AKAP6: variants seen among roughly 807,000 people sequenced by gnomAD.
AKAP6 encodes the protein A-kinase anchoring protein 6.
AKAP6 carries 58 observed loss-of-function variants against 188.5 expected under a neutral mutation model. The observed-to-expected ratio is 0.31, with a 90% CI of 0.25 to 0.38. The LOEUF (loss-of-function observed/expected upper bound fraction) is 0.38, where lower values mean the gene tolerates loss of function less well. Among genes scored for constraint, AKAP6 ranks in the 10% least tolerant of loss-of-function variants. The probability of loss-of-function intolerance (pLI) is 1.00; values close to 1 mark genes in which losing one functional copy is unlikely to be tolerated. For missense variants in AKAP6, 2,710 were observed against 2,740.0 expected (o/e 0.99, Z 0.24); for synonymous variants, 989 against 998.6 (o/e 0.99, Z 0.18).
At chr14:32,518,707 AT>A (rs1566551349) in intron 2 of AKAP6, among the ~76,000 whole-genome samples, 1 of 152,228 alleles carries the variant, frequency 6.6e-6, no homozygotes, top group Non-Finnish European at 1.5e-5. Context: ...AAAAGACCAA[AT>A]CTACGTCTGA....
intron 2 of AKAP6, among the ~76,000 whole-genome samples, chr14:32,439,582 A>G (rs1890500709): frequency 7.5e-6 from 1 of 133,282 alleles, no homozygotes; most frequent in African/African-American, 3.2e-5. Flanking sequence ...TCTTTCTCCC[A>G]CTACTGGAGC....
At chr14:32,769,496 G>A (rs2032831072) in intron 11 of AKAP6, among the ~76,000 whole-genome samples, 1 of 151,218 alleles carries the variant, frequency 6.6e-6, no homozygotes, top group South Asian at 2.1e-4. Context: ...CTCAACTGAT[G>A]TTAAACAGTT....
chr14:32,798,223 T>C (rs1273854265), intron 12 of AKAP6, among the ~76,000 whole-genome samples: 4 of 152,190 alleles, frequency 2.6e-5, no homozygotes, highest in Non-Finnish European at 4.4e-5. Flanking sequence ...AGAATGGCTA[T>C]TATTAAAAAG....
intron 2 of AKAP6, among the ~76,000 whole-genome samples, chr14:32,462,457 A>T (rs893778056): frequency 1.3e-5 from 2 of 152,110 alleles, no homozygotes; most frequent in African/African-American, 4.8e-5. Flanking sequence ...TCAACCTAGA[A>T]TTTCACACCC....
chr14:32,829,807 A>C (rs1256511890), intron 13 of AKAP6, 41 bp from the exon 14 acceptor site: 1 of 680,458 alleles, frequency 1.5e-6, no homozygotes, highest in African/African-American at 1.8e-5. Context: ...TGAAAAATAC[A>C]TTTCTGAAAC....
chr14:32,824,185 G>T lies in AKAP6; in HGVS notation c.6372G>T (p.Glu2124Asp). 1 of 1,613,870 alleles carries T rather than the reference G, an allele frequency of 6.2e-7. No homozygotes were observed. The highest frequency in any genetic ancestry group is 8.5e-7 in the Non-Finnish European group (1 of 1,179,914). ...CATCTCATGACAGTGATTGTGGGGA[G>T]GTCACCAATTACATAGAAGAGAAAA... is the stretch of plus-strand genomic sequence containing the variant. ...SLSSHDSDCG[E>D]VTNYIEEKSS... The change falls in exon 13 of 14, where the codon GAG becomes GAT. Residue 2124 changes from glutamate to aspartate, a missense_variant. By Grantham distance (45) the Glu-to-Asp change is conservative. Transcript: ENST00000280979.
chr14:32,786,296 A>ATGGT, intron 12 of AKAP6, among the ~76,000 whole-genome samples: 1 of 93,706 alleles, frequency 1.1e-5, no homozygotes, highest in African/African-American at 4.1e-5. Flanking sequence ...CTAAACCTTT[A>ATGGT]TCTTTTTTTT....
chr14:32,723,407 T>C (rs1233917659), intron 9 of AKAP6, among the ~76,000 whole-genome samples: 2 of 152,246 alleles, frequency 1.3e-5, no homozygotes, highest in East Asian at 3.9e-4. Flanking sequence ...CCTTTTAGAG[T>C]CTATTATCAT....
At chr14:32,561,484 A>G (rs1243095885) in intron 4 of AKAP6, among the ~76,000 whole-genome samples, 1 of 152,192 alleles carries the variant, frequency 6.6e-6, no homozygotes, top group Non-Finnish European at 1.5e-5. Context: ...TAACTAAGAG[A>G]AGCACTCATT....
intron 7 of AKAP6, among the ~76,000 whole-genome samples, chr14:32,671,236 C>T (rs866466202): frequency 2.8e-4 from 42 of 152,210 alleles, no homozygotes; most frequent in African/African-American, 9.1e-4. Flanking sequence ...CAAACACAAG[C>T]AAATGCCCCG....
chr14:32,661,662 G>C (rs966620191), intron 7 of AKAP6, among the ~76,000 whole-genome samples: 1 of 152,116 alleles, frequency 6.6e-6, no homozygotes, highest in South Asian at 2.1e-4. Context: ...GGACTAGCTA[G>C]AGACTGGAAA....
At chr14:32,462,967 AG>A (rs1333653668) in intron 2 of AKAP6, among the ~76,000 whole-genome samples, 1 of 110,350 alleles carries the variant, frequency 9.1e-6, no homozygotes, top group Non-Finnish European at 1.7e-5. Flanking sequence ...ACAGTCTTTA[AG>A]CCAACAAAGA....
intron 7 of AKAP6, among the ~76,000 whole-genome samples, chr14:32,603,000 T>G (rs543701132): frequency 6.6e-6 from 1 of 152,284 alleles, no homozygotes; most frequent in East Asian, 1.9e-4. Context: ...TTTTAATAAC[T>G]GCCTTTACAG....
intron 8 of AKAP6, among the ~76,000 whole-genome samples, chr14:32,694,968 G>T (rs941004348): frequency 6.6e-6 from 1 of 152,108 alleles, no homozygotes; most frequent in African/African-American, 2.4e-5. Flanking sequence ...TTCTTTTAGT[G>T]GGGTGATTTT....
intron 2 of AKAP6, among the ~76,000 whole-genome samples, chr14:32,504,472 G>T (rs1379436946): frequency 1.3e-5 from 2 of 152,058 alleles, no homozygotes; most frequent in African/African-American, 4.8e-5. Context: ...GTAGAGACAG[G>T]TTTCGCCATA....
chr14:32,747,349 T>A (rs1955501), intron 11 of AKAP6, among the ~76,000 whole-genome samples: 151,780 of 152,340 alleles, frequency 1, 75,613 homozygotes, highest in Middle Eastern at 1. Context: ...CTTAGTAATG[T>A]TGCTGTTGGC....
chr14:32,769,954 A>G (rs2032848464), intron 11 of AKAP6, among the ~76,000 whole-genome samples: 1 of 152,226 alleles, frequency 6.6e-6, no homozygotes, highest in South Asian at 2.1e-4. Context: ...CATATTTGAT[A>G]TATAATGAAG....
chr14:32,737,796 G>A (rs2031496967), intron 11 of AKAP6, among the ~76,000 whole-genome samples: 1 of 152,112 alleles, frequency 6.6e-6, no homozygotes, highest in Non-Finnish European at 1.5e-5. Context: ...TACTCTCCAG[G>A]AGAATGGAAG....
At chr14:32,491,175 G>A (rs1402406798) in intron 2 of AKAP6, among the ~76,000 whole-genome samples, 1 of 152,078 alleles carries the variant, frequency 6.6e-6, no homozygotes, top group African/African-American at 2.4e-5. Context: ...CTTCCTCCTG[G>A]TTTAATCAAT....
Sources: gnomAD v4.1 joint callset for allele counts (sites outside exome capture counted in the v4.1 genomes callset) on GRCh38, gnomAD v4.1.1 for gene constraint, MANE v1.5 for transcripts, NCBI Gene and HGNC (gene_info 2026-07-23, HGNC 2026-07-21) for gene names.